The following TUT4 variants were observed in gnomAD, a reference collection of about 807,000 sequenced individuals.
TUT4 encodes terminal uridylyl transferase 4.
Under a neutral mutation model 192.2 loss-of-function variants are expected in TUT4, and 36 were observed. The ratio of observed to expected loss-of-function variants is 0.19; its 90% CI spans 0.14 to 0.25. TUT4 has a LOEUF of 0.25. TUT4 is among the 10% of genes least tolerant of loss of function. The pLI is 1.00. For missense variants in TUT4, 1,493 were observed against 1,957.2 expected (o/e 0.76, Z 4.47); for synonymous variants, 618 against 666.0 (o/e 0.93, Z 1.11).
At chr1:52,430,750 A>G (rs1192787882) in intron 28 of TUT4, among the ~76,000 whole-genome samples, 1 of 152,230 alleles carries the variant, frequency 6.6e-6, no homozygotes, top group African/African-American at 2.4e-5. Context: ...AACATTTACA[A>G]CATCCCTGTG....
At position 52,526,129 on chromosome 1, in the gene TUT4, T is replaced by A. The variant is rs775920479; in HGVS notation, c.152A>T (p.Asn51Ile). Residue 51 changes from asparagine (N) to isoleucine (I), a missense_variant, in exon 2 of 30, where the codon AAT (asparagine) becomes ATT (isoleucine). Asn to Ile is a moderately radical substitution (Grantham distance 149, BLOSUM62 -3). This residue lies in a region of TUT4 where 260 missense variants were observed against 247.8 expected (regional missense o/e 1.05). Coordinates refer to ENST00000257177, the MANE Select transcript of TUT4 (RefSeq NM_001009881.3). ...CTTATTTTTTTTACTACTATTCCTA[T>A]TTGGAGAGCTGTTCTCAATTTCTTT... ...SVKEIENSSPNRNSSKKNKQN... is the reference protein window; with the variant it reads ...SVKEIENSSPIRNSSKKNKQN... 1 of 1,612,184 alleles carries A rather than the reference T, an allele frequency of 6.2e-7. No individual in the cohort carries two copies. Among genetic ancestry groups the A allele is most frequent in the East Asian group, 2.2e-5 (1 of 44,878 alleles).
At chr1:52,497,293 C>T in intron 4 of TUT4, 110 bp from the exon 5 acceptor site, 1 of 1,103,188 alleles carries the variant, frequency 9.1e-7, no homozygotes, top group Non-Finnish European at 1.3e-6. Context: ...AAAATATTCA[C>T]CTTCCATCTA....
At position 52,498,274 on chromosome 1, in the gene TUT4, C is replaced by T. The variant is rs1394847739; in HGVS notation, c.1000-1091G>A. Among the ~76,000 whole-genome samples the T allele has an allele frequency of 6.5e-5, 9 of 138,924 alleles. No individual in the cohort carries two copies. The East Asian group carries it at 1.7e-3, about 26-fold the overall frequency. 91.1% of individuals were successfully genotyped at this position (138,924 alleles called of 152,430 possible). A position where few individuals can be genotyped will look rare whatever the true frequency, so the allele number is the denominator to read the frequency against. On this transcript the variant is annotated intron_variant, in intron 4 of 29. Transcript: ENST00000257177. ...TTTTTTTTTTTTTGAGACAGAGTCTCGCTGTCGCCCCGGCTGGAGTGCAGT... is the reference window on the plus strand; with the variant it reads ...TTTTTTTTTTTTTGAGACAGAGTCTTGCTGTCGCCCCGGCTGGAGTGCAGT...
intron 4 of TUT4, among the ~76,000 whole-genome samples, chr1:52,500,120 C>CA (rs547663604): frequency 2.5e-3 from 348 of 136,726 alleles, no homozygotes; most frequent in East Asian, 7.7e-3. Flanking sequence ...AGATTCTGCT[C>CA]AAAAAAAAAA....
intron 1 of TUT4, among the ~76,000 whole-genome samples, chr1:52,537,822 A>C (rs1182538315): frequency 1.3e-5 from 2 of 152,184 alleles, no homozygotes; most frequent in Admixed American, 6.5e-5. Context: ...CTGAAGCAGG[A>C]AGATCGCTTG....
At chr1:52,467,989 TATTA>T (rs1466142557) in intron 15 of TUT4, among the ~76,000 whole-genome samples, 188 bp downstream of exon 15, 1 of 152,208 alleles carries the variant, frequency 6.6e-6, no homozygotes, top group African/African-American at 2.4e-5. Context: ...ATTATATATT[TATTA>T]GTCAACTATT....
intron 24 of TUT4, among the ~76,000 whole-genome samples, chr1:52,444,300 G>A (rs1342801567): frequency 1.3e-5 from 2 of 151,960 alleles, no homozygotes; most frequent in African/African-American, 2.4e-5. Flanking sequence ...TTTTTGCATT[G>A]TTTCAAATTT....
chr1:52,495,859 T>C (rs547208034), intron 5 of TUT4, among the ~76,000 whole-genome samples: 1 of 152,270 alleles, frequency 6.6e-6, no homozygotes, highest in East Asian at 1.9e-4. Flanking sequence ...TGTCACAAAC[T>C]ACATTTATTT....
At chr1:52,470,475 C>T (rs1318345021) in intron 14 of TUT4, among the ~76,000 whole-genome samples, 2 of 151,472 alleles carry the variant, frequency 1.3e-5, no homozygotes, top group Non-Finnish European at 2.9e-5. Context: ...CCAGACCCAC[C>T]CAGCCAAAAT....
Position 52,475,086 on chromosome 1 carries a change from A to T in TUT4, c.2473T>A (p.Cys825Ser). Residue 825 changes from cysteine (C) to serine (S), a missense_variant, in exon 13 of 30, where the codon TGT (cysteine) becomes AGT (serine). Physicochemically the swap from Cys to Ser is moderately radical, Grantham distance 112 (BLOSUM62 -1). Transcript: ENST00000257177. ...KQDDLAPSET[C>S]LKKELSQCNC... is the part of the protein sequence containing the mutation. ...CATTGGCTGAGCTCTTTTTTTAAAC[A>T]AGTTTCTGAAGGCGCTAAATCATCT... The T allele has an allele frequency of 6.2e-7, 1 of 1,614,132 alleles. No individual in the cohort carries two copies. The highest frequency in any genetic ancestry group is 8.5e-7 in the Non-Finnish European group (1 of 1,180,036).
chr1:52,552,088 C>T (rs1187068212), intron 1 of TUT4, among the ~76,000 whole-genome samples: 1 of 152,166 alleles, frequency 6.6e-6, no homozygotes, highest in African/African-American at 2.4e-5. Flanking sequence ...TAAGATCTCA[C>T]GCAAAATTCA....
At chr1:52,453,196 G>A (rs780474203) in intron 20 of TUT4, among the ~76,000 whole-genome samples, 68 of 151,996 alleles carry the variant, frequency 4.5e-4, no homozygotes, top group Admixed American at 1.0e-3. Flanking sequence ...ACTAGCCTGC[G>A]TGGTGAAACC....
chr1:52,514,438 C>T (rs1678144489), intron 3 of TUT4, among the ~76,000 whole-genome samples: 1 of 152,082 alleles, frequency 6.6e-6, no homozygotes, highest in African/African-American at 2.4e-5. Flanking sequence ...GAGACTCTGT[C>T]TCAAAAAACA....
intron 1 of TUT4, among the ~76,000 whole-genome samples, chr1:52,549,561 C>T (rs1308769173): frequency 6.6e-6 from 1 of 152,098 alleles, no homozygotes; most frequent in East Asian, 1.9e-4. Context: ...GATACAAATG[C>T]AAATGTTTGA....
intron 20 of TUT4, among the ~76,000 whole-genome samples, chr1:52,457,713 C>T (rs559679238): frequency 1.3e-5 from 2 of 152,174 alleles, no homozygotes; most frequent in Non-Finnish European, 2.9e-5. Context: ...TCAGGCGGAA[C>T]AGATGGATGA....
chr1:52,444,895 G>A (rs570726778), intron 24 of TUT4, among the ~76,000 whole-genome samples: 1 of 143,600 alleles, frequency 7.0e-6, no homozygotes, highest in Non-Finnish European at 1.5e-5. Flanking sequence ...TCATATATGT[G>A]TGTATATATA....
chr1:52,494,267 CTG>C (rs1387719506), intron 6 of TUT4, among the ~76,000 whole-genome samples: 1 of 152,090 alleles, frequency 6.6e-6, no homozygotes, highest in Non-Finnish European at 1.5e-5. Flanking sequence ...GACCAGATGA[CTG>C]TGAAAAACAA....
At position 52,431,136 on chromosome 1, in the gene TUT4, T is replaced by C; in HGVS notation, c.4588A>G (p.Ser1530Gly). 6.2e-7 allele frequency: 1 copy of C among 1,614,250 alleles called. No homozygotes were observed. Among genetic ancestry groups the C allele is most frequent in the Non-Finnish European group, 8.5e-7 (1 of 1,180,038 alleles). Residue 1530 changes from serine (S) to glycine (G), a missense_variant, in exon 28 of 30, where the codon AGC becomes GGC. Ser to Gly is a moderately conservative substitution (Grantham distance 56, BLOSUM62 0). Around this residue, in one of 7 missense-constraint regions of TUT4, gnomAD observed 351 missense variants for 397.8 expected, o/e 0.88. Coordinates refer to ENST00000257177, the MANE Select transcript of TUT4 (RefSeq NM_001009881.3). ...APSNIGLNDP[S>G]IIFAQPAARP... ...GCAGCAGGCTGTGCAAAGATGATGC[T>C]GGGATCATTTAGGCCAATATTGCTG...
intron 2 of TUT4, among the ~76,000 whole-genome samples, chr1:52,520,953 T>C (rs994983594): frequency 2.0e-5 from 3 of 152,162 alleles, no homozygotes; most frequent in African/African-American, 7.2e-5. Flanking sequence ...CCACCATACC[T>C]GGCTAGTTTT....
Sources: gnomAD v4.1 joint callset for allele counts (sites outside exome capture counted in the v4.1 genomes callset) on GRCh38, gnomAD v4.1.1 for gene constraint, gnomAD v4.1.1 regional missense constraint, MANE v1.5 for transcripts, NCBI Gene and HGNC (gene_info 2026-07-23, HGNC 2026-07-21) for gene names.